Variants in GNPNAT1 observed in about 807,000 individuals in gnomAD.
GNPNAT1 encodes glucosamine 6-phosphate N-acetyltransferase.
Under a neutral mutation model 19.8 loss-of-function variants are expected in GNPNAT1, and 11 were observed. The ratio of observed to expected loss-of-function variants is 0.56; its 90% confidence interval spans 0.35 to 0.92. The LOEUF is 0.92. GNPNAT1 is among the 40% of genes least tolerant of loss of function. The pLI is 0.01. For synonymous variants in GNPNAT1, 71 were observed against 72.3 expected (o/e 0.98, Z 0.09); for missense variants, 157 against 211.0 (o/e 0.74, Z 1.59).
intron 4 of GNPNAT1, among the ~76,000 whole-genome samples, chr14:52,781,039 T>C (rs1882882182): frequency 6.6e-6 from 1 of 152,086 alleles, no homozygotes; most frequent in Non-Finnish European, 1.5e-5. Context: ...AGTATGAGAG[T>C]ACTACTATTA....
rs1177347286 is a variant in GNPNAT1 at position 52,784,553 on chromosome 14, G to T, written c.98C>A (p.Thr33Lys). 2.5e-6 allele frequency: 4 copies of T among 1,609,766 alleles called. No homozygotes were observed. The highest frequency in any genetic ancestry group is 3.4e-6 in the Non-Finnish European group (4 of 1,178,168). Residue 33 changes from threonine to lysine, a missense_variant, in exon 2 of 6, where the codon ACA becomes AAA. Physicochemically the swap from Thr to Lys is moderately conservative, Grantham distance 78 (BLOSUM62 -1). Transcript: ENST00000216410. ...TATFSPAISP[T>K]HPGEGLVLRP... ...CAAAACCAAGCCTTCTCCAGGATGT[G>T]TTGGGGAAATGGCTGGAGAAAATGT...
intron 1 of GNPNAT1, among the ~76,000 whole-genome samples, chr14:52,785,402 G>A (rs1344440605): frequency 6.6e-6 from 1 of 151,792 alleles, no homozygotes; most frequent in Non-Finnish European, 1.5e-5. Flanking sequence ...TTTTAAAAAA[G>A]TAATCTCTTA....
intron 1 of GNPNAT1, among the ~76,000 whole-genome samples, chr14:52,790,306 G>T (rs923266234): frequency 1.3e-5 from 2 of 152,152 alleles, no homozygotes; most frequent in African/African-American, 4.8e-5. Context: ...TATTTCTCAA[G>T]AGCTCCTGGG....
intron 5 of GNPNAT1, among the ~76,000 whole-genome samples, chr14:52,780,449 T>C (rs909305519): frequency 2.0e-5 from 3 of 152,170 alleles, no homozygotes; most frequent in African/African-American, 4.8e-5. Context: ...TATAAAAAGT[T>C]AGTAATTTAA....
chr14:52,780,441 T>TA (rs889566621), intron 5 of GNPNAT1, among the ~76,000 whole-genome samples: 1 of 152,170 alleles, frequency 6.6e-6, no homozygotes, highest in Admixed American at 6.5e-5. Flanking sequence ...AGCATTACTA[T>TA]AAAAAGTTAG....
In GNPNAT1 at chr14:52,791,209, C is replaced by G. The variant is rs990043993; in HGVS notation, c.-15+219G>C. Among the ~76,000 whole-genome samples, 1 of 152,202 alleles carries G rather than the reference C, an allele frequency of 6.6e-6. No homozygotes were observed. The highest frequency in any genetic ancestry group is 1.5e-5 in the Non-Finnish European group (1 of 68,024). ...CGGACCGCTGGCCATCATCCTTAAC[C>G]TCTGCTCCAGGCGCGCGTGCGTTCA... is the stretch of plus-strand genomic sequence containing the variant. On this transcript the variant is annotated intron_variant, in intron 1 of 5. Transcript: ENST00000216410. The surrounding 1 kb of genome is among the most constrained non-coding windows in gnomAD (Gnocchi z 4.1).
rs941702229 is a variant in GNPNAT1, at chr14:52,791,535, T to C, written c.-122A>G. The C allele has an allele frequency of 1.3e-5, 2 of 152,434 alleles. No homozygotes were observed. Among genetic ancestry groups the C allele is most frequent in the African/African-American group, 4.8e-5 (2 of 41,286 alleles). The allele number at this position is 152,434 out of a possible 1,614,324, so 9.4% of individuals were successfully genotyped here. On this transcript the variant is annotated 5_prime_UTR_variant, in exon 1 of 6. Coordinates refer to ENST00000216410, the MANE Select transcript of GNPNAT1 (RefSeq NM_198066.4). The surrounding 1 kb of genome is among the most constrained non-coding windows in gnomAD (Gnocchi z 4.1). ...CGGCTTCAGCGCCAGCCCCACCTCC[T>C]CCTCCACCGCCCGCGCCACAGTTGG...
intron 1 of GNPNAT1, among the ~76,000 whole-genome samples, chr14:52,789,658 T>C (rs899644660): frequency 6.6e-6 from 1 of 152,198 alleles, no homozygotes; most frequent in Non-Finnish European, 1.5e-5. Context: ...CAAGGGGGTT[T>C]AGAACATAAT....
At chr14:52,783,301 A>G (rs563672170) in intron 3 of GNPNAT1, 122 bp downstream of exon 3, 25 of 635,530 alleles carry the variant, frequency 3.9e-5, no homozygotes, top group African/African-American at 3.7e-4. Context: ...TAAAACAGCT[A>G]ATTTGTTCTT....
chr14:52,788,855 T>G (rs1431615532), intron 1 of GNPNAT1, among the ~76,000 whole-genome samples: 1 of 152,210 alleles, frequency 6.6e-6, no homozygotes, highest in African/African-American at 2.4e-5. Flanking sequence ...CAACTAGGAT[T>G]ATGAAGCCCT....
chr14:52,784,691 C>T, intron 1 of GNPNAT1, 27 bp from the exon 2 acceptor site: 2 of 1,000,124 alleles, frequency 2.0e-6, no homozygotes, highest in Non-Finnish European at 2.9e-6. Flanking sequence ...AATATTAAGT[C>T]ACTTTATTTA....
Position 52,783,506 on chromosome 14 carries a change from T to G in GNPNAT1, c.155-21A>C, listed in dbSNP as rs528395302. On this transcript the variant is annotated intron_variant, in intron 2 of 5. Transcript: ENST00000216410. ...AAAACCTAGTTTTGAAAAACAGATT[T>G]CAAATTACGAGAATAGCAAAAGGAA... 8.5e-6 allele frequency: 13 copies of G among 1,527,746 alleles called. No individual in the cohort carries two copies. In the African/African-American group the frequency reaches 1.4e-4, roughly 16 times the overall value. The allele number at this position is 1,527,746 out of a possible 1,614,324, so 94.6% of individuals were successfully genotyped here. A position where few individuals can be genotyped will look rare whatever the true frequency, so the allele number is the denominator to read the frequency against.
chr14:52,779,736 A>AC lies in GNPNAT1; in HGVS notation c.407+942_407+943insG, dbSNP rs1171115739. ...AGATCCCATCTCTTAAAAAAAAAAA[A>AC]AAAAAAAAAAAAAACATAAATTATA... is the stretch of plus-strand genomic sequence containing the variant. On this transcript the variant is annotated intron_variant, in intron 5 of 5. Coordinates refer to ENST00000216410, the MANE Select transcript of GNPNAT1 (RefSeq NM_198066.4). 9.3e-5 allele frequency among the ~76,000 whole-genome samples: 14 copies of AC among 150,262 alleles called. 1 individual carries two copies. Among genetic ancestry groups the AC allele is most frequent in the African/African-American group, 2.4e-4 (10 of 41,148 alleles).
rs760624444 is a variant in GNPNAT1, at chr14:52,780,671, C to T, written c.407+8G>A. ...TTATCCAGGGTTACCTTGTTTCTGC[C>T]TACTTACAATTTGCCAAGCTGCTTT... On this transcript the variant is annotated splice_region_variant and intron_variant, in intron 5 of 5. Coordinates refer to ENST00000216410, the MANE Select transcript of GNPNAT1 (RefSeq NM_198066.4). 27 of 1,578,526 alleles carry T rather than the reference C, an allele frequency of 1.7e-5. No individual in the cohort carries two copies. The East Asian group carries it at 5.4e-4, about 31-fold the overall frequency.
intron 2 of GNPNAT1, 107 bp from the exon 3 acceptor site, chr14:52,783,592 A>G (rs940542841): frequency 2.4e-5 from 16 of 675,414 alleles, no homozygotes; most frequent in Middle Eastern, 3.4e-4. Context: ...ATTTTTTCAG[A>G]ACTTTCTATA....
At chr14:52,783,190 T>C (rs541586675) in intron 3 of GNPNAT1, among the ~76,000 whole-genome samples, 4 of 152,208 alleles carry the variant, frequency 2.6e-5, no homozygotes, top group Non-Finnish European at 4.4e-5. Flanking sequence ...CTAGGTCCTA[T>C]GGTACAATAA....
intron 1 of GNPNAT1, among the ~76,000 whole-genome samples, chr14:52,790,160 CGAA>C (rs1883133677): frequency 6.6e-6 from 1 of 152,076 alleles, no homozygotes; most frequent in East Asian, 1.9e-4. Flanking sequence ...GGTTGGAATA[CGAA>C]TGGGGAGAGA....
chr14:52,789,672 A>G (rs1369788004), intron 1 of GNPNAT1, among the ~76,000 whole-genome samples: 1 of 152,204 alleles, frequency 6.6e-6, no homozygotes. Context: ...ACATAATTAA[A>G]TAAGTAATTT....
intron 1 of GNPNAT1, among the ~76,000 whole-genome samples, chr14:52,788,631 C>T (rs1883079248): frequency 6.6e-6 from 1 of 152,144 alleles, no homozygotes; most frequent in African/African-American, 2.4e-5. Context: ...CGAGGCAGCA[C>T]ACTATTTAAA....
Sources: gnomAD v4.1 joint callset for allele counts (sites outside exome capture counted in the v4.1 genomes callset) on GRCh38, gnomAD v4.1.1 for gene constraint, Gnocchi (gnomAD v3.1) non-coding constraint, MANE v1.5 for transcripts, NCBI Gene and HGNC (gene_info 2026-07-23, HGNC 2026-07-21) for gene names.